KMT2C: variants seen among roughly 807,000 people sequenced by gnomAD.
KMT2C encodes the protein lysine methyltransferase 2C, also known as histone-lysine N-methyltransferase 2C.
In KMT2C, 88 loss-of-function variants were observed where a neutral mutation model predicts 507.9. The observed-to-expected ratio is 0.17, with a 90% CI of 0.15 to 0.21. The LOEUF is 0.21. Ranked by LOEUF, KMT2C falls within the 10% of genes least tolerant of loss-of-function variation. The pLI, the probability that KMT2C is intolerant of heterozygous loss-of-function variation, is 1.00. For synonymous variants in KMT2C, 2,049 were observed against 2,080.8 expected (o/e 0.98, Z 0.42); for missense variants, 4,954 against 5,957.8 (o/e 0.83, Z 5.55).
intron 31 of KMT2C, among the ~76,000 whole-genome samples, chr7:152,188,999 A>G (rs2093710797): frequency 6.6e-6 from 1 of 152,200 alleles, no homozygotes; most frequent in Admixed American, 6.5e-5. Context: ...ATTCCTAAAA[A>G]TACATACACT....
At chr7:152,320,113 C>T (rs182085737) in intron 3 of KMT2C, among the ~76,000 whole-genome samples, 3 of 152,248 alleles carry the variant, frequency 2.0e-5, no homozygotes, top group African/African-American at 4.8e-5. Flanking sequence ...GAAAACCCAC[C>T]GAACCTGTGG....
At chr7:152,281,556 A>AC (rs1321803927) in intron 6 of KMT2C, among the ~76,000 whole-genome samples, 6 of 152,310 alleles carry the variant, frequency 3.9e-5, no homozygotes, top group African/African-American at 1.4e-4. Flanking sequence ...ACATGGTGAG[A>AC]CCCCGTTTCT....
chr7:152,235,687 G>T, intron 16 of KMT2C, 130 bp downstream of exon 16: 1 of 661,670 alleles, frequency 1.5e-6, no homozygotes, highest in Non-Finnish European at 2.6e-6. Context: ...AAAAAAAAAA[G>T]CAAAGTAGGA....
At chr7:152,432,983 C>T (rs1000015086) in intron 1 of KMT2C, among the ~76,000 whole-genome samples, 1 of 151,920 alleles carries the variant, frequency 6.6e-6, no homozygotes, top group African/African-American at 2.4e-5. Context: ...CCTGTGTCTA[C>T]TAAAAATACA....
chr7:152,212,161 A>C (rs540071481), intron 23 of KMT2C, among the ~76,000 whole-genome samples: 44 of 152,322 alleles, frequency 2.9e-4, no homozygotes, highest in Non-Finnish European at 4.9e-4. Flanking sequence ...CCATATATAC[A>C]TACTTGTATC....
rs767373408 is a variant in KMT2C at position 152,330,588 on chromosome 7, T to C, written c.389+13A>G. 6.2e-6 allele frequency: 10 copies of C among 1,612,988 alleles called. No individual in the cohort carries two copies. The highest frequency in any genetic ancestry group is 1.7e-5 in the Admixed American group (1 of 59,992). ...GTCACTAATATCCAATCCAGCTGCA[T>C]TCATTCTCTAACCTGATTTTGGCTT... On this transcript the variant is annotated intron_variant, in intron 3 of 58. Transcript: ENST00000262189.
chr7:152,386,750 G>C (rs1175858171), intron 1 of KMT2C, among the ~76,000 whole-genome samples: 2 of 146,806 alleles, frequency 1.4e-5, no homozygotes, highest in African/African-American at 5.0e-5. Flanking sequence ...CAGTAAGACT[G>C]TATTTTTTAT....
At chr7:152,174,772 C>G (rs1478081592) in intron 38 of KMT2C, among the ~76,000 whole-genome samples, 1 of 152,120 alleles carries the variant, frequency 6.6e-6, no homozygotes, top group Non-Finnish European at 1.5e-5. Context: ...TAGAATAAGG[C>G]ACACTGCTTA....
chr7:152,221,469 T>TA (rs2094768946), intron 22 of KMT2C, among the ~76,000 whole-genome samples: 6 of 152,118 alleles, frequency 3.9e-5, no homozygotes, highest in Admixed American at 6.6e-5. Context: ...GGAGAAGTAA[T>TA]AAATAAGTAC....
At chr7:152,151,674 C>T (rs1379225668) in intron 49 of KMT2C, 93 bp from the exon 50 acceptor site, 6 of 924,836 alleles carry the variant, frequency 6.5e-6, no homozygotes, top group African/African-American at 3.4e-5. Context: ...CTCATTACAA[C>T]ATGGTTCATT....
chr7:152,200,424 C>T (rs1041428127), intron 26 of KMT2C, among the ~76,000 whole-genome samples: 3 of 152,108 alleles, frequency 2.0e-5, no homozygotes, highest in Non-Finnish European at 4.4e-5. Context: ...TTGAATTACA[C>T]ATACAGTAAA....
chr7:152,368,669 A>G (rs554036266), intron 1 of KMT2C: 4 of 1,446,804 alleles, frequency 2.8e-6, no homozygotes, highest in South Asian at 2.4e-5. Flanking sequence ...TAAACTCTCT[A>G]TTGACCACCA....
intron 14 of KMT2C, among the ~76,000 whole-genome samples, chr7:152,244,937 C>T (rs2095445270): frequency 6.6e-6 from 1 of 152,170 alleles, no homozygotes; most frequent in African/African-American, 2.4e-5. Context: ...TAATTACTAA[C>T]CTCCTTAAAG....
rs1033662581 is a variant in KMT2C at position 152,138,649 on chromosome 7, G to A, written c.14643+147C>T. ...TGGAGTGCCTGAAGGGTGAGATACT[G>A]CAGGGTGGGAACATCTGGCCTATTA... On this transcript the variant is annotated intron_variant, in intron 58 of 58. Coordinates refer to ENST00000262189, the MANE Select transcript of KMT2C (RefSeq NM_170606.3). This position sits in a 1 kb window ranked among gnomAD's most constrained non-coding sequence, Gnocchi z 4.2. 6.6e-5 allele frequency: 38 copies of A among 575,296 alleles called. No homozygotes were observed. The highest frequency in any genetic ancestry group is 8.0e-5 in the Non-Finnish European group (26 of 323,762). The allele number at this position is 575,296 out of a possible 1,614,324, so 35.6% of individuals were successfully genotyped here. A position where few individuals can be genotyped will look rare whatever the true frequency, so the allele number is the denominator to read the frequency against.
intron 32 of KMT2C, 79 bp from the exon 33 acceptor site, chr7:152,187,555 A>G: frequency 6.9e-7 from 1 of 1,444,022 alleles, no homozygotes; most frequent in Non-Finnish European, 9.5e-7. Flanking sequence ...TTTCATTAAA[A>G]CCTATTACAA....
At chr7:152,378,952 T>C (rs528154622) in intron 1 of KMT2C, among the ~76,000 whole-genome samples, 1 of 152,182 alleles carries the variant, frequency 6.6e-6, no homozygotes, top group Admixed American at 6.5e-5. Context: ...TGAAATGAAA[T>C]ATATAAAAGT....
At chr7:152,303,400 C>A (rs1476695079) in intron 6 of KMT2C, among the ~76,000 whole-genome samples, 1 of 152,164 alleles carries the variant, frequency 6.6e-6, no homozygotes, top group Non-Finnish European at 1.5e-5. Context: ...TGGCCTCTAC[C>A]CAAGAGGCCA....
intron 6 of KMT2C, among the ~76,000 whole-genome samples, chr7:152,275,544 C>T (rs1218451912): frequency 2.0e-5 from 3 of 152,216 alleles, no homozygotes; most frequent in South Asian, 2.1e-4. Context: ...CATTTCAGTG[C>T]TATTTTGGCA....
intron 4 of KMT2C, among the ~76,000 whole-genome samples, chr7:152,314,570 G>A (rs1589131210): frequency 1.3e-5 from 2 of 152,044 alleles, no homozygotes; most frequent in East Asian, 3.9e-4. Flanking sequence ...TCTTCTGGGA[G>A]GGAAGGCAGG....
Sources: gnomAD v4.1 joint callset for allele counts (sites outside exome capture counted in the v4.1 genomes callset) on GRCh38, gnomAD v4.1.1 for gene constraint, Gnocchi (gnomAD v3.1) non-coding constraint, MANE v1.5 for transcripts, NCBI Gene and HGNC (gene_info 2026-07-23, HGNC 2026-07-21) for gene names.